Variants in CDC20B observed in about 807,000 individuals in gnomAD.
CDC20B encodes the protein cell division cycle protein 20 homolog B.
Under a neutral mutation model 64.1 loss-of-function variants are expected in CDC20B, and 58 were observed. The ratio of observed to expected loss-of-function variants is 0.90; its 90% CI spans 0.73 to 1.13. The LOEUF (loss-of-function observed/expected upper bound fraction) is 1.13. CDC20B is among the 50% of genes most tolerant of loss of function. The pLI is 0.00. For synonymous variants in CDC20B, 243 were observed against 230.6 expected (o/e 1.05, Z -0.49); for missense variants, 597 against 633.0 (o/e 0.94, Z 0.61).
intron 4 of CDC20B, 85 bp from the exon 5 acceptor site, chr5:55,140,492 C>T: frequency 1.2e-6 from 1 of 832,234 alleles, no homozygotes; most frequent in South Asian, 1.8e-5. Flanking sequence ...AGAATTACAA[C>T]TGGTAATTCA....
Position 55,120,023 on chromosome 5 carries a change from G to A in CDC20B, c.1342-105C>T, listed in dbSNP as rs144707266. The A allele has an allele frequency of 1.7e-3, 1,373 of 794,722 alleles. 2 individuals carry two copies. Among genetic ancestry groups the A allele is most frequent in the Non-Finnish European group, 2.7e-3 (1,270 of 474,208 alleles). The allele number at this position is 794,722 out of a possible 1,614,324, so 49.2% of individuals were successfully genotyped here. The stretch of plus-strand genomic sequence containing the variant: ...TGCACTGTCCATGACCCAACCTCCA[G>A]TACAGCTGGGGTAGGATGTTAAAGA... On this transcript the variant is annotated intron_variant, in intron 10 of 11. Transcript: ENST00000381375.
At chr5:55,145,572 C>T (rs952467931) in intron 3 of CDC20B, among the ~76,000 whole-genome samples, 1 of 152,114 alleles carries the variant, frequency 6.6e-6, no homozygotes, top group African/African-American at 2.4e-5. Flanking sequence ...GTTTGTGTTT[C>T]GGGGCTCTGG....
At chr5:55,151,596 C>T (rs760221721) in intron 2 of CDC20B, among the ~76,000 whole-genome samples, 6 of 152,188 alleles carry the variant, frequency 3.9e-5, no homozygotes, top group African/African-American at 1.4e-4. Flanking sequence ...GCTATGTCTG[C>T]GAAAACAACA....
intron 2 of CDC20B, among the ~76,000 whole-genome samples, chr5:55,150,008 C>T (rs922930696): frequency 5.3e-5 from 8 of 152,054 alleles, no homozygotes; most frequent in African/African-American, 1.9e-4. Flanking sequence ...GTGGCATGTG[C>T]CTGTAATCCC....
intron 2 of CDC20B, among the ~76,000 whole-genome samples, chr5:55,172,030 A>G (rs1470940300): frequency 6.6e-6 from 1 of 152,266 alleles, no homozygotes; most frequent in Non-Finnish European, 1.5e-5. Context: ...AAATGGTGAC[A>G]GAGATTTAAA....
chr5:55,138,532 A>C (rs1038923506), intron 5 of CDC20B, among the ~76,000 whole-genome samples: 2 of 152,168 alleles, frequency 1.3e-5, no homozygotes, highest in African/African-American at 4.8e-5. Context: ...TTACCCTAGT[A>C]CTATTTTTAA....
chr5:55,127,486 C>T (rs952192611), intron 7 of CDC20B, 135 bp from the exon 8 acceptor site: 7 of 677,360 alleles, frequency 1.0e-5, no homozygotes, highest in Non-Finnish European at 1.6e-5. Context: ...ATCTAGCCAG[C>T]AGTTCTCAAT....
At chr5:55,145,825 C>A (rs534416363) in intron 3 of CDC20B, among the ~76,000 whole-genome samples, 1 of 151,698 alleles carries the variant, frequency 6.6e-6, no homozygotes, top group East Asian at 1.9e-4. Flanking sequence ...TCTCTTGCTT[C>A]CTTCCTCTTA....
At chr5:55,156,896 A>T (rs1320829458) in intron 2 of CDC20B, among the ~76,000 whole-genome samples, 1 of 152,168 alleles carries the variant, frequency 6.6e-6, no homozygotes, top group Non-Finnish European at 1.5e-5. Context: ...TAATAAATAA[A>T]AAAATAAGTC....
chr5:55,139,811 G>A (rs574221030), intron 5 of CDC20B, among the ~76,000 whole-genome samples: 40 of 152,096 alleles, frequency 2.6e-4, no homozygotes, highest in South Asian at 4.2e-4. Context: ...GGTCACTTGC[G>A]GCCAGGAGTT....
chr5:55,145,799 C>T (rs1743456159), intron 3 of CDC20B, among the ~76,000 whole-genome samples: 1 of 151,636 alleles, frequency 6.6e-6, no homozygotes, highest in Non-Finnish European at 1.5e-5. Context: ...TCCCCCCATC[C>T]ATCCCCTCAT....
intron 11 of CDC20B, among the ~76,000 whole-genome samples, chr5:55,118,957 C>A (rs183491507): frequency 1.6e-4 from 24 of 152,228 alleles, no homozygotes; most frequent in Admixed American, 1.3e-3. Context: ...AAAGTGTAGG[C>A]TCCCTGAGGG....
chr5:55,118,988 T>C (rs911113332), intron 11 of CDC20B, among the ~76,000 whole-genome samples: 14 of 152,196 alleles, frequency 9.2e-5, no homozygotes, highest in African/African-American at 2.9e-4. Flanking sequence ...GTCTCTCTTG[T>C]TCACCTGTGT....
At chr5:55,139,327 T>C (rs1743266115) in intron 5 of CDC20B, among the ~76,000 whole-genome samples, 1 of 152,082 alleles carries the variant, frequency 6.6e-6, no homozygotes, top group African/African-American at 2.4e-5. Context: ...GAGCACAACA[T>C]AGCTGCCCAA....
rs774292084 is a variant in CDC20B at position 55,120,555 on chromosome 5, A to G, written c.1216-5T>C. ...CCAGGGACACCAATCCATGGCCTTT[A>G]AAGTTTCACATAATAGCACAGACAG... On this transcript the variant is annotated splice_polypyrimidine_tract_variant and splice_region_variant and intron_variant, in intron 9 of 11. Coordinates refer to ENST00000381375, the MANE Select transcript of CDC20B (RefSeq NM_001170402.1). 2.2e-5 allele frequency: 35 copies of G among 1,612,890 alleles called. No homozygotes were observed. The highest frequency in any genetic ancestry group is 7.7e-5 in the South Asian group (7 of 91,018).
chr5:55,130,444 A>G (rs1743001376), intron 6 of CDC20B, among the ~76,000 whole-genome samples: 1 of 152,202 alleles, frequency 6.6e-6, no homozygotes, highest in African/African-American at 2.4e-5. Context: ...CAGGATAACA[A>G]GGTGACCATG....
At chr5:55,116,972 G>A (rs550157064) in intron 11 of CDC20B, among the ~76,000 whole-genome samples, 32 of 152,172 alleles carry the variant, frequency 2.1e-4, no homozygotes, top group Admixed American at 2.0e-3. Context: ...TCTTTATCTC[G>A]GACAAAGGTC....
rs1199433409 is a variant in CDC20B at position 55,125,031 on chromosome 5, G to C, written c.990-3C>G. On this transcript the variant is annotated splice_region_variant and splice_polypyrimidine_tract_variant and intron_variant, in intron 8 of 11. Transcript: ENST00000381375. ...AAACACGCCCCAGTCTTGACCCACT[G>C]CGAGTTTACATAACAAAAAAATTAA... 1 of 1,604,592 alleles carries C rather than the reference G, an allele frequency of 6.2e-7. No homozygotes were observed. Among genetic ancestry groups the C allele is most frequent in the Non-Finnish European group, 8.5e-7 (1 of 1,172,084 alleles).
At chr5:55,150,520 G>C (rs892407473) in intron 2 of CDC20B, among the ~76,000 whole-genome samples, 1 of 152,242 alleles carries the variant, frequency 6.6e-6, no homozygotes, top group Admixed American at 6.5e-5. Context: ...TTTCGCAGAA[G>C]ACAGGAGCCA....
Sources: allele counts gnomAD v4.1 joint callset (sites outside exome capture counted in the v4.1 genomes callset), GRCh38; gene constraint gnomAD v4.1.1; transcripts MANE v1.5; gene names NCBI Gene and HGNC (gene_info 2026-07-23, HGNC 2026-07-21).